Variants in TFAP2D observed in about 807,000 individuals in gnomAD.
TFAP2D encodes the protein transcription factor AP-2 delta, also known as transcription factor AP-2-delta.
Under a neutral mutation model 43.6 loss-of-function variants are expected in TFAP2D, and 9 were observed. That is an observed-to-expected ratio of 0.21 (90% confidence interval 0.12 to 0.36). The LOEUF (loss-of-function observed/expected upper bound fraction) is 0.36, where lower values mean the gene tolerates loss of function less well. Ranked by LOEUF, TFAP2D falls within the 10% of genes least tolerant of loss-of-function variation. The pLI, the probability that TFAP2D is intolerant of heterozygous loss-of-function variation, is 1.00. For synonymous variants in TFAP2D, 256 were observed against 224.9 expected, an observed-to-expected ratio of 1.14 and a Z score of -1.24; for missense variants, 513 against 561.4, an observed-to-expected ratio of 0.91 and a Z score of 0.87.
intron 7 of TFAP2D, among the ~76,000 whole-genome samples, chr6:50,763,810 A>G (rs1254980230): frequency 1.3e-5 from 2 of 152,188 alleles, no homozygotes; most frequent in Non-Finnish European, 2.9e-5. Flanking sequence ...CGTGAAAATT[A>G]TAGGAACAAA....
intron 7 of TFAP2D, among the ~76,000 whole-genome samples, chr6:50,761,269 T>C (rs1264203979): frequency 6.6e-6 from 1 of 151,928 alleles, no homozygotes; most frequent in Non-Finnish European, 1.5e-5. Flanking sequence ...TGCTTGCTTT[T>C]TCAGGTAAAA....
At chr6:50,750,088 C>T (rs1448946956) in intron 6 of TFAP2D, among the ~76,000 whole-genome samples, 1 of 151,804 alleles carries the variant, frequency 6.6e-6, no homozygotes, top group Non-Finnish European at 1.5e-5. Context: ...AAGAAGTCCC[C>T]ACTGATTTTT....
chr6:50,736,293 G>A (rs969963351), intron 5 of TFAP2D, among the ~76,000 whole-genome samples: 1 of 152,130 alleles, frequency 6.6e-6, no homozygotes, highest in African/African-American at 2.4e-5. Context: ...AAGCTCTGCT[G>A]TTCCCTTTTA....
At chr6:50,749,718 AT>A (rs1769174368) in intron 6 of TFAP2D, among the ~76,000 whole-genome samples, 1 of 151,928 alleles carries the variant, frequency 6.6e-6, no homozygotes, top group South Asian at 2.1e-4. Flanking sequence ...AAACAGGTAT[AT>A]TTCATAAAGC....
At chr6:50,725,514 G>C (rs1768795572) in intron 3 of TFAP2D, among the ~76,000 whole-genome samples, 2 of 152,150 alleles carry the variant, frequency 1.3e-5, no homozygotes, top group Non-Finnish European at 2.9e-5. Context: ...TAGAATCAAA[G>C]ACATTCTTAA....
chr6:50,736,565 A>G (rs1768965910), intron 5 of TFAP2D, among the ~76,000 whole-genome samples: 1 of 152,202 alleles, frequency 6.6e-6, no homozygotes, highest in African/African-American at 2.4e-5. Context: ...AATATATACC[A>G]TATTAGAGTA....
intron 7 of TFAP2D, among the ~76,000 whole-genome samples, chr6:50,761,334 T>C (rs766763410): frequency 6.6e-6 from 1 of 151,966 alleles, no homozygotes; most frequent in African/African-American, 2.4e-5. Context: ...TAAATGATGA[T>C]GGCAGGCTAT....
chr6:50,755,880 T>C (rs1561939771), intron 7 of TFAP2D, among the ~76,000 whole-genome samples: 1 of 151,992 alleles, frequency 6.6e-6, no homozygotes, highest in Non-Finnish European at 1.5e-5. Flanking sequence ...GTCTTTTTTA[T>C]TTTTATTTTA....
chr6:50,761,200 C>A (rs944320544), intron 7 of TFAP2D, among the ~76,000 whole-genome samples: 3 of 149,380 alleles, frequency 2.0e-5, no homozygotes, highest in South Asian at 2.1e-4. Flanking sequence ...AATAATAACC[C>A]AAACACCATT....
intron 1 of TFAP2D, 63 bp from the exon 2 acceptor site, chr6:50,715,053 C>T: frequency 1.9e-6 from 3 of 1,564,162 alleles, no homozygotes; most frequent in Admixed American, 1.7e-5. Context: ...AGAGCGGCGC[C>T]TTGGTTGCAA....
At chr6:50,761,955 G>C (rs1374226351) in intron 7 of TFAP2D, among the ~76,000 whole-genome samples, 1 of 152,072 alleles carries the variant, frequency 6.6e-6, no homozygotes, top group Non-Finnish European at 1.5e-5. Flanking sequence ...AAGGTGCAAA[G>C]AGAAGTTTGT....
chr6:50,772,884 T>G lies in TFAP2D; in HGVS notation c.*20T>G. 6.3e-7 allele frequency: 1 copy of G among 1,595,444 alleles called. No individual in the cohort carries two copies. The highest frequency in any genetic ancestry group is 8.5e-7 in the Non-Finnish European group (1 of 1,169,800). On this transcript the variant is annotated 3_prime_UTR_variant, in exon 8 of 8. Coordinates refer to ENST00000008391, the MANE Select transcript of TFAP2D (RefSeq NM_172238.4). Reference sequence around the variant, plus strand: ...GACTAGCTACATCAAACAGAATCTATTTCCAGAGAGTCTTGCTGCTGATAT... The same window carrying G: ...GACTAGCTACATCAAACAGAATCTAGTTCCAGAGAGTCTTGCTGCTGATAT...
intron 7 of TFAP2D, among the ~76,000 whole-genome samples, chr6:50,766,421 G>A (rs921854428): frequency 6.6e-6 from 1 of 151,858 alleles, no homozygotes; most frequent in South Asian, 2.1e-4. Context: ...TTTTGGTAGG[G>A]GTTGCACTGA....
chr6:50,740,568 G>A (rs78321133), intron 5 of TFAP2D, among the ~76,000 whole-genome samples: 1 of 151,882 alleles, frequency 6.6e-6, no homozygotes, highest in Non-Finnish European at 1.5e-5. Flanking sequence ...GAGTAGCTAG[G>A]ATTGCAGGTG....
intron 7 of TFAP2D, among the ~76,000 whole-genome samples, chr6:50,751,709 ACT>A (rs1197151562): frequency 6.6e-6 from 1 of 151,658 alleles, no homozygotes; most frequent in East Asian, 1.9e-4. Flanking sequence ...CCTCCTAAAG[ACT>A]CTATTTAATA....
At chr6:50,771,523 T>G (rs559891050) in intron 7 of TFAP2D, among the ~76,000 whole-genome samples, 1 of 152,346 alleles carries the variant, frequency 6.6e-6, no homozygotes, top group South Asian at 2.1e-4. Context: ...CAATTATGAT[T>G]TCTTCATGTG....
intron 5 of TFAP2D, among the ~76,000 whole-genome samples, chr6:50,742,556 A>G (rs952311207): frequency 2.7e-5 from 4 of 149,334 alleles, no homozygotes; most frequent in Non-Finnish European, 4.4e-5. Flanking sequence ...GGGTGGATGG[A>G]CACATAGACA....
intron 5 of TFAP2D, among the ~76,000 whole-genome samples, chr6:50,731,167 C>T (rs976851925): frequency 1.3e-5 from 2 of 152,070 alleles, no homozygotes; most frequent in African/African-American, 4.8e-5. Context: ...CTGCATACCT[C>T]TCCTATCCCA....
At chr6:50,761,750 A>G (rs1009235248) in intron 7 of TFAP2D, among the ~76,000 whole-genome samples, 5 of 152,136 alleles carry the variant, frequency 3.3e-5, no homozygotes, top group African/African-American at 1.2e-4. Context: ...GCATTTATCT[A>G]GCATACAATT....
Sources: gnomAD v4.1 joint callset for allele counts (sites outside exome capture counted in the v4.1 genomes callset) on GRCh38, gnomAD v4.1.1 for gene constraint, MANE v1.5 for transcripts, NCBI Gene and HGNC (gene_info 2026-07-23, HGNC 2026-07-21) for gene names.